The following PTPN14 variants were observed in gnomAD, a reference collection of about 807,000 sequenced individuals.
The protein encoded by PTPN14 is tyrosine-protein phosphatase non-receptor type 14.
A neutral mutation model predicts 126.8 loss-of-function variants in PTPN14; 53 were observed. That is an observed-to-expected ratio of 0.42 (90% CI 0.34 to 0.53). The LOEUF (loss-of-function observed/expected upper bound fraction) is 0.53. Among genes scored for constraint, PTPN14 ranks in the 20% least tolerant of loss-of-function variants. The pLI is 0.08. For synonymous variants in PTPN14, 630 were observed against 599.3 expected (o/e 1.05, Z -0.75); for missense variants, 1,257 against 1,552.9 (o/e 0.81, Z 3.20).
At chr1:214,378,556 AG>A (rs1283236079) in intron 13 of PTPN14, among the ~76,000 whole-genome samples, 6 of 149,572 alleles carry the variant, frequency 4.0e-5, no homozygotes, top group African/African-American at 7.4e-5. Flanking sequence ...TTGTTGATTG[AG>A]AGATCCACAC....
At chr1:214,358,932 C>T (rs1158225453) in intron 18 of PTPN14, among the ~76,000 whole-genome samples, 1 of 151,264 alleles carries the variant, frequency 6.6e-6, no homozygotes, top group Admixed American at 6.6e-5. Flanking sequence ...TTAGTAGAGA[C>T]AGGGTTTCGT....
chr1:214,511,187 C>A (rs1654964948), intron 1 of PTPN14, among the ~76,000 whole-genome samples: 1 of 152,180 alleles, frequency 6.6e-6, no homozygotes, highest in African/African-American at 2.4e-5. Flanking sequence ...GTTGCTGATT[C>A]TTTAACAGCT....
At chr1:214,509,556 C>T (rs927427996) in intron 1 of PTPN14, among the ~76,000 whole-genome samples, 1 of 152,198 alleles carries the variant, frequency 6.6e-6, no homozygotes, top group Non-Finnish European at 1.5e-5. Flanking sequence ...GTTGCTGTTG[C>T]ACATGTTATC....
chr1:214,399,543 C>T lies in PTPN14; in HGVS notation c.670-1542G>A, dbSNP rs147349014. Among the ~76,000 whole-genome samples, 1,372 of 152,242 alleles carry T rather than the reference C, an allele frequency of 9.0e-3. 18 individuals carry two copies. Among genetic ancestry groups the T allele is most frequent in the Non-Finnish European group, 0.011 (717 of 68,016 alleles). ...TTCTTCAGGGCTTGTTTAAAGGAAG[C>T]CAAGAGGAGACCTGTCCCTACCACT... On this transcript the variant is annotated intron_variant, in intron 7 of 18. Transcript: ENST00000366956.
At chr1:214,448,389 C>A (rs1660194010) in intron 3 of PTPN14, among the ~76,000 whole-genome samples, 1 of 139,618 alleles carries the variant, frequency 7.2e-6, no homozygotes, top group Non-Finnish European at 1.5e-5. Flanking sequence ...CCCAACCAAG[C>A]CGGGCTAATT....
rs546403094 is a variant in PTPN14 at position 214,448,356 on chromosome 1, G to A, written c.344+3449C>T. ...CGCCATTCTCCTGCCTCAGACTCCC[G>A]CGTAGCTGGGACTACAGGTGCCCCC... On this transcript the variant is annotated intron_variant, in intron 3 of 18. Transcript: ENST00000366956. Among the ~76,000 whole-genome samples the A allele has an allele frequency of 2.6e-5, 4 of 151,530 alleles. No homozygotes were observed. In the South Asian group the frequency reaches 6.3e-4, roughly 24 times the overall value.
At chr1:214,469,827 C>CAG (rs112249828) in intron 1 of PTPN14, among the ~76,000 whole-genome samples, 6 of 143,172 alleles carry the variant, frequency 4.2e-5, no homozygotes, top group Admixed American at 2.8e-4. Context: ...TGGGGAAAGG[C>CAG]GGGGGTATGT....
intron 1 of PTPN14, among the ~76,000 whole-genome samples, chr1:214,480,398 T>C (rs548677074): frequency 2.0e-5 from 3 of 152,346 alleles, no homozygotes; most frequent in Non-Finnish European, 4.4e-5. Flanking sequence ...CTTTTTTCTC[T>C]TACTGGGTTA....
At chr1:214,489,239 T>A (rs1036099002) in intron 1 of PTPN14, among the ~76,000 whole-genome samples, 2 of 152,210 alleles carry the variant, frequency 1.3e-5, no homozygotes, top group African/African-American at 4.8e-5. Context: ...ATATTACTTA[T>A]CCTCATGTTA....
chr1:214,486,907 G>A (rs1661125487), intron 1 of PTPN14, among the ~76,000 whole-genome samples: 1 of 39,812 alleles, frequency 2.5e-5, no homozygotes, highest in African/African-American at 1.6e-4. Flanking sequence ...CCGTAAATCT[G>A]GAAAAGTTGA....
intron 3 of PTPN14, among the ~76,000 whole-genome samples, chr1:214,442,592 T>C (rs571401780): frequency 9.9e-5 from 15 of 152,224 alleles, no homozygotes; most frequent in Non-Finnish European, 1.8e-4. Flanking sequence ...CTCTTCATTA[T>C]AGGACACCTA....
chr1:214,400,605 A>C (rs778621287), intron 7 of PTPN14, among the ~76,000 whole-genome samples: 1 of 152,188 alleles, frequency 6.6e-6, no homozygotes, highest in Non-Finnish European at 1.5e-5. Context: ...AGAGATTGAG[A>C]AGTCAGTTTT....
chr1:214,417,200 C>T (rs1374007775), intron 3 of PTPN14, among the ~76,000 whole-genome samples: 1 of 152,172 alleles, frequency 6.6e-6, no homozygotes, highest in Non-Finnish European at 1.5e-5. Context: ...TAGGATTCTG[C>T]TCTGCCTCTA....
At chr1:214,366,418 C>T (rs546617725) in intron 17 of PTPN14, among the ~76,000 whole-genome samples, 3 of 152,234 alleles carry the variant, frequency 2.0e-5, no homozygotes, top group East Asian at 1.9e-4. Flanking sequence ...TTGGGTAATA[C>T]GGTAGATGCC....
chr1:214,486,017 C>A (rs1334151585), intron 1 of PTPN14, among the ~76,000 whole-genome samples: 1 of 152,182 alleles, frequency 6.6e-6, no homozygotes, highest in East Asian at 1.9e-4. Context: ...TGAGCCACCG[C>A]ACCCGGCCTA....
intron 1 of PTPN14, among the ~76,000 whole-genome samples, chr1:214,527,026 G>T (rs1432077870): frequency 6.6e-6 from 1 of 152,102 alleles, no homozygotes; most frequent in Non-Finnish European, 1.5e-5. Context: ...GGGAGACAGA[G>T]GTTGCGATGA....
chr1:214,537,780 A>G (rs1655742739), intron 1 of PTPN14, among the ~76,000 whole-genome samples: 1 of 152,216 alleles, frequency 6.6e-6, no homozygotes, highest in Non-Finnish European at 1.5e-5. Context: ...TAGTTTGATA[A>G]CCATCTATGA....
intron 13 of PTPN14, among the ~76,000 whole-genome samples, chr1:214,380,676 G>A (rs1658451975): frequency 6.6e-6 from 1 of 152,210 alleles, no homozygotes; most frequent in Non-Finnish European, 1.5e-5. Flanking sequence ...GTTTCTCATT[G>A]TGTTCTGATC....
intron 2 of PTPN14, among the ~76,000 whole-genome samples, chr1:214,458,851 C>T (rs1660443413): frequency 1.3e-5 from 2 of 152,134 alleles, no homozygotes; most frequent in Admixed American, 6.5e-5. Context: ...CTGTAAAAGG[C>T]CCAGCTCCAT....
Sources: allele counts gnomAD v4.1 joint callset (sites outside exome capture counted in the v4.1 genomes callset), GRCh38; gene constraint gnomAD v4.1.1; transcripts MANE v1.5; gene names NCBI Gene and HGNC (gene_info 2026-07-23, HGNC 2026-07-21).